Variants in NPAS3 observed in about 807,000 individuals in gnomAD.
The protein encoded by NPAS3 is neuronal PAS domain protein 3.
NPAS3 carries 14 observed loss-of-function variants against 73.1 expected under a neutral mutation model. The ratio of observed to expected loss-of-function variants is 0.19; its 90% confidence interval spans 0.13 to 0.30. The LOEUF (loss-of-function observed/expected upper bound fraction) is 0.30. NPAS3 is among the 10% of genes least tolerant of loss of function. The probability of loss-of-function intolerance (pLI) is 1.00; values close to 1 mark genes in which losing one functional copy is unlikely to be tolerated. For missense variants in NPAS3, 1,096 were observed against 1,250.0 expected, an observed-to-expected ratio of 0.88 and a Z score of 1.86; for synonymous variants, 620 against 541.5, an observed-to-expected ratio of 1.14 and a Z score of -2.01.
chr14:33,234,754 G>T (rs943829724), intron 3 of NPAS3, among the ~76,000 whole-genome samples: 1 of 151,976 alleles, frequency 6.6e-6, no homozygotes, highest in African/African-American at 2.4e-5. Context: ...TTTACTATGG[G>T]TCTAGAACAC....
At chr14:33,198,237 G>C (rs1010076154) in intron 2 of NPAS3, among the ~76,000 whole-genome samples, 2 of 152,156 alleles carry the variant, frequency 1.3e-5, no homozygotes, top group African/African-American at 2.4e-5. Context: ...AGCTTCCACA[G>C]CATGGAAGGG....
intron 3 of NPAS3, among the ~76,000 whole-genome samples, chr14:33,302,877 G>A (rs1455892061): frequency 6.6e-6 from 1 of 150,628 alleles, no homozygotes; most frequent in African/African-American, 2.4e-5. Context: ...TGGATGATGT[G>A]GTTGTGCTAG....
intron 6 of NPAS3, among the ~76,000 whole-genome samples, chr14:33,716,737 A>C (rs955029111): frequency 1.3e-5 from 2 of 151,848 alleles, no homozygotes; most frequent in African/African-American, 4.8e-5. Flanking sequence ...TGTGTTTTGG[A>C]GTATTTTCCT....
At chr14:33,412,211 C>T (rs928747189) in intron 4 of NPAS3, among the ~76,000 whole-genome samples, 9 of 152,090 alleles carry the variant, frequency 5.9e-5, no homozygotes, top group African/African-American at 9.7e-5. Context: ...CTCCACCTCC[C>T]AGGCTCAAGC....
At chr14:33,134,618 T>C (rs1439134219) in intron 2 of NPAS3, among the ~76,000 whole-genome samples, 2 of 152,164 alleles carry the variant, frequency 1.3e-5, no homozygotes, top group East Asian at 3.9e-4. Flanking sequence ...GTGGTCTGTT[T>C]GGTTTTCCAT....
chr14:33,180,270 G>T (rs2045743284), intron 2 of NPAS3, among the ~76,000 whole-genome samples: 1 of 151,916 alleles, frequency 6.6e-6, no homozygotes, highest in South Asian at 2.1e-4. Context: ...CCATTAAGAA[G>T]TCTTCTCAGG....
In NPAS3 at chr14:33,118,975, A is replaced by T. The variant is rs113650833; in HGVS notation, c.140+62981A>T. Among the ~76,000 whole-genome samples the T allele has an allele frequency of 2.6e-3, 392 of 152,032 alleles. 2 individuals carry two copies. The highest frequency in any genetic ancestry group is 4.3e-3 in the Admixed American group (66 of 15,216). On this transcript the variant is annotated intron_variant, in intron 2 of 11. Coordinates refer to ENST00000356141, the Ensembl canonical transcript of NPAS3. ...GTTTGTGCCTAAAGTTTAACCATAC[A>T]GCTGTTACCATAAATGCTACATGGC...
chr14:33,692,425 C>A (rs182722491), intron 6 of NPAS3, among the ~76,000 whole-genome samples: 3 of 152,176 alleles, frequency 2.0e-5, no homozygotes, highest in African/African-American at 7.2e-5. Context: ...ATTATTTTTT[C>A]TGTCTGCAAC....
At chr14:33,512,924 T>G (rs1355951746) in intron 4 of NPAS3, among the ~76,000 whole-genome samples, 1 of 152,068 alleles carries the variant, frequency 6.6e-6, no homozygotes, top group Non-Finnish European at 1.5e-5. Context: ...GTTTTGAAAA[T>G]TAATTTCAAG....
chr14:33,229,289 T>A (rs2047752774), intron 3 of NPAS3, among the ~76,000 whole-genome samples: 1 of 152,186 alleles, frequency 6.6e-6, no homozygotes, highest in Admixed American at 6.5e-5. Flanking sequence ...TTCATAGAGA[T>A]GGAAAGAGAG....
At chr14:33,187,763 T>A (rs2046032323) in intron 2 of NPAS3, among the ~76,000 whole-genome samples, 1 of 152,100 alleles carries the variant, frequency 6.6e-6, no homozygotes, top group South Asian at 2.1e-4. Context: ...AATTAAGAGA[T>A]TATTAAATTA....
At chr14:33,084,767 G>GAAAATGAA (rs1309548473) in intron 2 of NPAS3, among the ~76,000 whole-genome samples, 2 of 152,082 alleles carry the variant, frequency 1.3e-5, no homozygotes, top group Non-Finnish European at 2.9e-5. Context: ...AATTGATGAT[G>GAAAATGAA]AAAATGAAAA....
At chr14:33,491,047 A>G (rs1318378666) in intron 4 of NPAS3, among the ~76,000 whole-genome samples, 1 of 152,170 alleles carries the variant, frequency 6.6e-6, no homozygotes, top group Non-Finnish European at 1.5e-5. Flanking sequence ...CTCAAAGCAG[A>G]TTCCTCAACC....
intron 1 of NPAS3, among the ~76,000 whole-genome samples, chr14:32,978,118 G>A (rs1319135305): frequency 6.6e-6 from 1 of 151,966 alleles, no homozygotes; most frequent in Non-Finnish European, 1.5e-5. Context: ...GATGTGGGGG[G>A]GTGAGAAAAC....
intron 2 of NPAS3, among the ~76,000 whole-genome samples, chr14:33,163,357 AGAT>A: frequency 6.6e-6 from 1 of 152,224 alleles, no homozygotes; most frequent in East Asian, 1.9e-4. Context: ...GGAGCATGTA[AGAT>A]AGCAGAGGTA....
chr14:33,244,332 A>G (rs1165397271), intron 3 of NPAS3, among the ~76,000 whole-genome samples: 1 of 152,152 alleles, frequency 6.6e-6, no homozygotes, highest in African/African-American at 2.4e-5. Context: ...TTAAGTAGTT[A>G]CTTAATTGAA....
Position 33,564,553 on chromosome 14 carries a change from C to A in NPAS3, c.558+4343C>A, listed in dbSNP as rs558806971. On this transcript the variant is annotated intron_variant, in intron 5 of 11. Coordinates refer to ENST00000356141, the Ensembl canonical transcript of NPAS3. ...GTTCTGTTCCCGCATCCAGGCCTCA[C>A]AATAGCATTGGCTAGTTTGGTGGTT... is the stretch of plus-strand genomic sequence containing the variant. 9.5e-4 allele frequency among the ~76,000 whole-genome samples: 144 copies of A among 152,334 alleles called. 1 individual carries two copies. Among genetic ancestry groups the A allele is most frequent in the African/African-American group, 3.2e-3 (133 of 41,584 alleles).
intron 1 of NPAS3, among the ~76,000 whole-genome samples, chr14:33,034,637 C>G (rs75536794): frequency 0.013 from 2,035 of 152,066 alleles, 40 homozygotes; most frequent in African/African-American, 0.046. Flanking sequence ...GTAAAATGCA[C>G]TATTGGGCTT....
At chr14:33,276,964 A>G (rs896311488) in intron 3 of NPAS3, among the ~76,000 whole-genome samples, 1 of 152,112 alleles carries the variant, frequency 6.6e-6, no homozygotes, top group Non-Finnish European at 1.5e-5. Context: ...CTACTATGTA[A>G]ACATAACAAA....
Sources: allele counts gnomAD v4.1 joint callset (sites outside exome capture counted in the v4.1 genomes callset), GRCh38; gene constraint gnomAD v4.1.1; transcripts MANE v1.5; gene names NCBI Gene and HGNC (gene_info 2026-07-23, HGNC 2026-07-21).